HELZ: variants seen among roughly 807,000 people sequenced by gnomAD.
HELZ encodes the protein ATP-dependent RNA helicase with zinc finger domain.
Under a neutral mutation model 218.2 loss-of-function variants are expected in HELZ, and 23 were observed. The ratio of observed to expected loss-of-function variants is 0.11; its 90% CI spans 0.08 to 0.15. The LOEUF (loss-of-function observed/expected upper bound fraction) is 0.15, where lower values mean the gene tolerates loss of function less well. Among genes scored for constraint, HELZ ranks in the 10% least tolerant of loss-of-function variants. The probability of loss-of-function intolerance (pLI) is 1.00; values close to 1 mark genes in which losing one functional copy is unlikely to be tolerated. For synonymous variants in HELZ, 814 were observed against 829.4 expected (o/e 0.98, Z 0.32); for missense variants, 1,813 against 2,353.7 (o/e 0.77, Z 4.75).
At chr17:67,146,024 T>C (rs1167158471) in intron 20 of HELZ, 134 bp from the exon 21 acceptor site, 2 of 725,546 alleles carry the variant, frequency 2.8e-6, no homozygotes, top group South Asian at 1.8e-5. Context: ...AATCATCTAA[T>C]ACTTGTGATA....
At position 67,073,616 on chromosome 17, in the gene HELZ, C is replaced by A. The variant is rs893059088; in HGVS notation, c.*4636G>T. The A allele has an allele frequency of 6.6e-6, 1 of 152,132 alleles. No homozygotes were observed. Among genetic ancestry groups the A allele is most frequent in the Non-Finnish European group, 1.5e-5 (1 of 68,038 alleles). 9.4% of individuals were successfully genotyped at this position (152,132 alleles called of 1,614,324 possible). Reference sequence around the variant, plus strand: ...CTAGATTCTTCTATTAGGTACCTCCCTCCAAAAAATTTTTAGAAACTCTGG... The same window carrying A: ...CTAGATTCTTCTATTAGGTACCTCCATCCAAAAAATTTTTAGAAACTCTGG... On this transcript the variant is annotated 3_prime_UTR_variant, in exon 33 of 33. Coordinates refer to ENST00000358691, the MANE Select transcript of HELZ (RefSeq NM_014877.4).
At chr17:67,171,288 T>C (rs2039303869) in intron 13 of HELZ, among the ~76,000 whole-genome samples, 1 of 152,182 alleles carries the variant, frequency 6.6e-6, no homozygotes, top group Non-Finnish European at 1.5e-5. Context: ...ATGGACACTT[T>C]TGATTACATG....
At chr17:67,195,837 CCTTT>C (rs2040008718) in intron 7 of HELZ, among the ~76,000 whole-genome samples, 1 of 66,780 alleles carries the variant, frequency 1.5e-5, no homozygotes, top group Non-Finnish European at 3.5e-5. Flanking sequence ...GGTTTCTTTT[CCTTT>C]TTTTTTTTTT....
chr17:67,173,246 T>C (rs568180071), intron 13 of HELZ, among the ~76,000 whole-genome samples: 1 of 152,350 alleles, frequency 6.6e-6, no homozygotes, highest in South Asian at 2.1e-4. Flanking sequence ...TAAAATTATG[T>C]TAGTAATCTT....
intron 24 of HELZ, among the ~76,000 whole-genome samples, chr17:67,127,692 CA>C (rs1293393393): frequency 6.6e-6 from 1 of 151,970 alleles, no homozygotes; most frequent in Non-Finnish European, 1.5e-5. Context: ...ACGAAAAATA[CA>C]AAAGTTAGCC....
chr17:67,218,145 G>T (rs1158219592), intron 4 of HELZ, among the ~76,000 whole-genome samples: 1 of 152,038 alleles, frequency 6.6e-6, no homozygotes, highest in Non-Finnish European at 1.5e-5. Context: ...ATGTTGGTTA[G>T]GCCAACTCAA....
intron 5 of HELZ, among the ~76,000 whole-genome samples, chr17:67,208,556 C>T (rs1053177807): frequency 4.0e-5 from 6 of 151,894 alleles, no homozygotes; most frequent in Admixed American, 3.9e-4. Flanking sequence ...AAAATAAATA[C>T]ATAAAGCTTA....
intron 23 of HELZ, among the ~76,000 whole-genome samples, chr17:67,134,056 T>C (rs1240232184): frequency 1.3e-5 from 2 of 152,194 alleles, no homozygotes; most frequent in Non-Finnish European, 2.9e-5. Context: ...CTTCTTGATA[T>C]ACCTGGTTCT....
chr17:67,166,549 G>C lies in HELZ; in HGVS notation c.1824C>G (p.Asp608Glu). The part of the protein sequence containing the change: ...LPLCEMHYAL[D>E]RIKDNGVLFP... ...ACAAAACCCCATTGTCCTTGATCCT[G>C]TCTAGTGCATAGTGCATTTCACAGA... is the stretch of plus-strand genomic sequence containing the variant. The change falls in exon 15 of 33, where the codon GAC becomes GAG. Residue 608 changes from aspartate (D) to glutamate (E), a missense_variant. Around this residue, in one of 4 missense-constraint regions of HELZ, gnomAD observed 714 missense variants for 1,029.2 expected, o/e 0.69. Coordinates refer to ENST00000358691, the MANE Select transcript of HELZ (RefSeq NM_014877.4). 3 of 1,612,568 alleles carry C rather than the reference G, an allele frequency of 1.9e-6. No homozygotes were observed. In the South Asian group the frequency reaches 3.3e-5, roughly 18 times the overall value.
intron 23 of HELZ, among the ~76,000 whole-genome samples, chr17:67,129,360 A>G (rs1031436935): frequency 3.3e-5 from 5 of 151,402 alleles, no homozygotes; most frequent in African/African-American, 1.2e-4. Context: ...GCACATACAT[A>G]CACATATATA....
In HELZ at chr17:67,158,570, G is replaced by A. The variant is rs1046291562; in HGVS notation, c.2177+1691C>T. On this transcript the variant is annotated intron_variant, in intron 17 of 32. Transcript: ENST00000358691. ...AGGACTACATAAAGAAAATATTTGG[G>A]AAGTCAGGCTTTTTCTTACTTTATT... Among the ~76,000 whole-genome samples, 16 of 152,306 alleles carry A rather than the reference G, an allele frequency of 1.1e-4. No homozygotes were observed. In the East Asian group the frequency reaches 1.2e-3, roughly 11 times the overall value.
At chr17:67,125,286 C>CTA (rs57513241) in intron 24 of HELZ, among the ~76,000 whole-genome samples, 22 of 70,126 alleles carry the variant, frequency 3.1e-4, no homozygotes, top group Non-Finnish European at 4.4e-4. Context: ...TTGGCACCAA[C>CTA]TATATATATA....
Position 67,123,172 on chromosome 17 carries a change from A to G in HELZ, c.3440-12T>C. ...AGGATTGGGCTGAACTGAAAAATAA[A>G]CAGAAAAAGGATGCACTCAACAGCT... On this transcript the variant is annotated splice_polypyrimidine_tract_variant and intron_variant, in intron 25 of 32. Coordinates refer to ENST00000358691, the MANE Select transcript of HELZ (RefSeq NM_014877.4). 1 of 1,589,854 alleles carries G rather than the reference A, an allele frequency of 6.3e-7. No individual in the cohort carries two copies. Among genetic ancestry groups the G allele is most frequent in the Non-Finnish European group, 8.6e-7 (1 of 1,161,248 alleles).
At chr17:67,185,600 TAA>T (rs890903063) in intron 12 of HELZ, among the ~76,000 whole-genome samples, 2 of 152,210 alleles carry the variant, frequency 1.3e-5, no homozygotes, top group Non-Finnish European at 2.9e-5. Context: ...AACCTAGATC[TAA>T]GTTTTCCTTT....
intron 13 of HELZ, chr17:67,176,284 T>C (rs1198819398): frequency 1.3e-5 from 2 of 152,248 alleles, no homozygotes. Context: ...ATAACTAGCA[T>C]ATTTTCTTCC....
At chr17:67,088,393 A>G (rs760175864) in intron 31 of HELZ, among the ~76,000 whole-genome samples, 6 of 152,244 alleles carry the variant, frequency 3.9e-5, no homozygotes, top group Non-Finnish European at 8.8e-5. Context: ...TGGCATAACA[A>G]TAACAGGATG....
intron 26 of HELZ, among the ~76,000 whole-genome samples, chr17:67,120,886 A>G (rs1042414291): frequency 2.6e-5 from 4 of 152,208 alleles, no homozygotes; most frequent in Non-Finnish European, 5.9e-5. Context: ...AAAATTGGTA[A>G]TTATTCCTTG....
At chr17:67,109,850 A>T (rs1000208305) in intron 28 of HELZ, among the ~76,000 whole-genome samples, 164 bp from the exon 29 acceptor site, 8 of 151,778 alleles carry the variant, frequency 5.3e-5, no homozygotes, top group African/African-American at 1.5e-4. Context: ...AATAAAGGAA[A>T]TTTTTTTTTA....
chr17:67,219,587 G>C (rs921766254), intron 3 of HELZ, among the ~76,000 whole-genome samples: 1 of 152,108 alleles, frequency 6.6e-6, no homozygotes, highest in African/African-American at 2.4e-5. Flanking sequence ...AAATCACCAA[G>C]GGGAGAAAAT....
Sources: allele counts gnomAD v4.1 joint callset (sites outside exome capture counted in the v4.1 genomes callset), GRCh38; gene constraint gnomAD v4.1.1; regional missense constraint gnomAD v4.1.1; transcripts MANE v1.5; gene names NCBI Gene and HGNC (gene_info 2026-07-23, HGNC 2026-07-21).